The following PLD1 variants were observed in gnomAD, a reference collection of about 807,000 sequenced individuals.
PLD1 encodes the protein phospholipase D1.
PLD1 carries 112 observed loss-of-function variants against 137.1 expected under a neutral mutation model. The ratio of observed to expected loss-of-function variants is 0.82; its 90% confidence interval spans 0.70 to 0.96. PLD1 has a LOEUF of 0.96. Ranked by LOEUF, PLD1 falls within the 40% of genes least tolerant of loss-of-function variation. The pLI is 0.00. For synonymous variants in PLD1, 431 were observed against 454.7 expected, an observed-to-expected ratio of 0.95 and a Z score of 0.66; for missense variants, 1,321 against 1,342.0, an observed-to-expected ratio of 0.98 and a Z score of 0.24.
intron 1 of PLD1, among the ~76,000 whole-genome samples, chr3:171,743,764 G>A (rs563547001): frequency 3.3e-5 from 5 of 152,280 alleles, no homozygotes; most frequent in South Asian, 2.1e-4. Context: ...CCACTGAGCC[G>A]CAATCATGTG....
intron 19 of PLD1, among the ~76,000 whole-genome samples, chr3:171,671,434 G>A (rs987986313): frequency 8.6e-5 from 13 of 152,046 alleles, no homozygotes; most frequent in African/African-American, 2.4e-4. Flanking sequence ...GTTCCTAGTC[G>A]TGATGTCCCT....
intron 26 of PLD1, among the ~76,000 whole-genome samples, chr3:171,603,749 A>G (rs1316263819): frequency 2.0e-5 from 3 of 152,178 alleles, no homozygotes; most frequent in Admixed American, 2.0e-4. Context: ...TTTGGATATC[A>G]TAACACTTCA....
At chr3:171,725,866 T>C (rs1371611025) in intron 7 of PLD1, 152 bp downstream of exon 7, 9 of 624,112 alleles carry the variant, frequency 1.4e-5, no homozygotes, top group South Asian at 9.6e-5. Context: ...CTCTGATTTG[T>C]ATGAATAATT....
chr3:171,741,419 A>C (rs1028633010), intron 1 of PLD1, among the ~76,000 whole-genome samples: 1 of 152,150 alleles, frequency 6.6e-6, no homozygotes, highest in African/African-American at 2.4e-5. Context: ...TCAAATCTTC[A>C]TTTATCAGTC....
intron 11 of PLD1, among the ~76,000 whole-genome samples, chr3:171,707,572 C>T (rs74617405): frequency 0.011 from 1,653 of 152,246 alleles, 38 homozygotes; most frequent in African/African-American, 0.038. Context: ...AATTAAGCTC[C>T]TCCACAAGCA....
At chr3:171,745,963 C>T (rs533723661) in intron 1 of PLD1, among the ~76,000 whole-genome samples, 22 of 152,250 alleles carry the variant, frequency 1.4e-4, no homozygotes, top group South Asian at 1.0e-3. Flanking sequence ...GGCGTGGGCT[C>T]GGCAAGTCCC....
chr3:171,732,847 C>T (rs188826656), intron 6 of PLD1, among the ~76,000 whole-genome samples: 357 of 152,298 alleles, frequency 2.3e-3, no homozygotes, highest in Non-Finnish European at 3.9e-3. Flanking sequence ...AACCCACTCC[C>T]TCCCTGCTTG....
rs548305780 is a variant in PLD1, at chr3:171,600,687, T to C, written c.*2391A>G. Reference sequence around the variant, plus strand: ...CAAAAAAAAAAAAAAAAGCAATTATTGCACTGAATTTTCCATAAAATCCCT... The same window carrying C: ...CAAAAAAAAAAAAAAAAGCAATTATCGCACTGAATTTTCCATAAAATCCCT... On this transcript the variant is annotated 3_prime_UTR_variant, in exon 27 of 27. Coordinates refer to ENST00000351298, the MANE Select transcript of PLD1 (RefSeq NM_002662.5). 6.6e-6 allele frequency: 1 copy of C among 151,800 alleles called. No individual in the cohort carries two copies. The highest frequency in any genetic ancestry group is 2.1e-4 in the South Asian group (1 of 4,812). 9.4% of individuals were successfully genotyped at this position (151,800 alleles called of 1,614,324 possible).
At chr3:171,732,396 G>A (rs1411730869) in intron 6 of PLD1, among the ~76,000 whole-genome samples, 1 of 152,172 alleles carries the variant, frequency 6.6e-6, no homozygotes, top group Non-Finnish European at 1.5e-5. Flanking sequence ...CCCAGTGCAA[G>A]CTGCTGCTGG....
intron 21 of PLD1, chr3:171,654,300 C>CAAA (rs35731319): frequency 9.7e-4 from 111 of 114,110 alleles, no homozygotes; most frequent in South Asian, 3.9e-3. Flanking sequence ...AAGACTGTCT[C>CAAA]AAAAAAAAAA....
intron 1 of PLD1, among the ~76,000 whole-genome samples, chr3:171,755,910 C>A (rs1328299047): frequency 6.6e-6 from 1 of 152,178 alleles, no homozygotes; most frequent in African/African-American, 2.4e-5. Context: ...CTTCTAACCA[C>A]AAAACACTCC....
chr3:171,807,885 A>C (rs1444801587), intron 1 of PLD1, among the ~76,000 whole-genome samples: 1 of 152,258 alleles, frequency 6.6e-6, no homozygotes, highest in Non-Finnish European at 1.5e-5. Context: ...ATAGAATACC[A>C]TGCAGCCATA....
intron 23 of PLD1, among the ~76,000 whole-genome samples, chr3:171,632,735 A>G (rs534831717): frequency 2.0e-5 from 3 of 152,330 alleles, no homozygotes; most frequent in Non-Finnish European, 4.4e-5. Context: ...TATAAATTTG[A>G]GATTATTTCA....
intron 13 of PLD1, among the ~76,000 whole-genome samples, chr3:171,692,003 C>T (rs1264653949): frequency 6.6e-6 from 1 of 152,124 alleles, no homozygotes; most frequent in Admixed American, 6.5e-5. Context: ...ACAGGGAGAT[C>T]ACATCTAAGA....
At position 171,786,022 on chromosome 3, in the gene PLD1, G is replaced by T. The variant is rs1382239870; in HGVS notation, c.-32+24377C>A. 2.6e-5 allele frequency among the ~76,000 whole-genome samples: 4 copies of T among 152,184 alleles called. No individual in the cohort carries two copies. The East Asian group carries it at 7.7e-4, about 29-fold the overall frequency. The stretch of plus-strand genomic sequence containing the variant: ...GCCAGCTTCCTTTCCTTCACATGCA[G>T]TAGGCCCTCAATAAATGTTTCTTGG... On this transcript the variant is annotated intron_variant, in intron 1 of 26. Coordinates refer to ENST00000351298, the MANE Select transcript of PLD1 (RefSeq NM_002662.5).
rs529378094 is a variant in PLD1, at chr3:171,744,392, A to C, written c.-31-6310T>G. Among the ~76,000 whole-genome samples the C allele has an allele frequency of 3.9e-5, 6 of 152,308 alleles. No homozygotes were observed. In the East Asian group the frequency reaches 1.2e-3, roughly 29 times the overall value. The stretch of plus-strand genomic sequence containing the variant: ...TTTCCTGCCCATAACCTGTGAGTCC[A>C]GCTTGCTATTATGTCTATGGTTCTA... On this transcript the variant is annotated intron_variant, in intron 1 of 26. Transcript: ENST00000351298.
chr3:171,674,979 C>CAAAAAAAAAAAA (rs376402019), intron 18 of PLD1, among the ~76,000 whole-genome samples: 23 of 74,822 alleles, frequency 3.1e-4, no homozygotes, highest in African/African-American at 5.5e-4. Flanking sequence ...ATCTCCATCT[C>CAAAAAAAAAAAA]AAAAAAAAAA....
rs774414269 is a variant in PLD1 at position 171,734,888 on chromosome 3, C to T, written c.517G>A (p.Glu173Lys). 1.2e-6 allele frequency: 2 copies of T among 1,609,778 alleles called. No individual in the cohort carries two copies. The highest frequency in any genetic ancestry group is 1.7e-5 in the Admixed American group (1 of 59,986). Residue 173 changes from glutamate to lysine, a missense_variant, in exon 5 of 27, where the codon GAA becomes AAA. Coordinates refer to ENST00000351298, the MANE Select transcript of PLD1 (RefSeq NM_002662.5). The stretch of plus-strand genomic sequence containing the variant: ...ACTCTTCTACCAAGGAATTGTTCTT[C>T]TCTTATCATGTTTTCAGATGAACGG... ...LPRSSENMIREEQFLGRRKQL... is the reference protein window; with the variant it reads ...LPRSSENMIRKEQFLGRRKQL...
intron 1 of PLD1, chr3:171,793,228 T>C (rs995598588): frequency 1.2e-4 from 18 of 152,252 alleles, no homozygotes; most frequent in African/African-American, 4.3e-4. Flanking sequence ...GGCTGGCTCA[T>C]ATAGGCTCCT....
Sources: gnomAD v4.1 joint callset for allele counts (sites outside exome capture counted in the v4.1 genomes callset) on GRCh38, gnomAD v4.1.1 for gene constraint, MANE v1.5 for transcripts, NCBI Gene and HGNC (gene_info 2026-07-23, HGNC 2026-07-21) for gene names.